The following DPYS variants were observed in gnomAD, a reference collection of about 807,000 sequenced individuals.
The protein encoded by DPYS is dihydropyrimidine amidohydrolase.
A neutral mutation model predicts 50.3 loss-of-function variants in DPYS; 39 were observed. That is an observed-to-expected ratio of 0.78 (90% CI 0.60 to 1.01). The LOEUF (loss-of-function observed/expected upper bound fraction) is 1.01. DPYS is among the 50% of genes least tolerant of loss of function. The probability of loss-of-function intolerance (pLI) is 0.00; values close to 1 mark genes in which losing one functional copy is unlikely to be tolerated. For synonymous variants in DPYS, 245 were observed against 250.7 expected (o/e 0.98, Z 0.22); for missense variants, 659 against 680.9 (o/e 0.97, Z 0.36).
chr8:104,405,332 G>A (rs1045874468), intron 7 of DPYS, among the ~76,000 whole-genome samples: 2 of 152,260 alleles, frequency 1.3e-5, no homozygotes, highest in South Asian at 2.1e-4. Context: ...GCAGGTTGAC[G>A]CTGACCCCAC....
chr8:104,417,831 A>G (rs1455288992), intron 7 of DPYS, among the ~76,000 whole-genome samples: 1 of 152,146 alleles, frequency 6.6e-6, no homozygotes, highest in East Asian at 1.9e-4. Context: ...AGGATGTCCA[A>G]ACCTTCCCTA....
intron 3 of DPYS, 80 bp downstream of exon 3, chr8:104,447,243 TA>T (rs1813563095): frequency 6.5e-7 from 1 of 1,531,678 alleles, no homozygotes; most frequent in African/African-American, 1.4e-5. Context: ...TAAATGAGTT[TA>T]CCTATGTAGG....
At chr8:104,407,119 T>TC (rs1329557046) in intron 7 of DPYS, among the ~76,000 whole-genome samples, 6 of 152,364 alleles carry the variant, frequency 3.9e-5, no homozygotes, top group African/African-American at 1.4e-4. Context: ...GAGAAGTTTT[T>TC]CATACATTAT....
intron 7 of DPYS, among the ~76,000 whole-genome samples, chr8:104,414,425 T>C (rs893761365): frequency 4.6e-5 from 7 of 152,058 alleles, no homozygotes; most frequent in African/African-American, 1.7e-4. Context: ...GGTCTGAGAG[T>C]TGGCATTTCT....
intron 7 of DPYS, among the ~76,000 whole-genome samples, chr8:104,423,494 C>T (rs1812618272): frequency 6.6e-6 from 1 of 152,162 alleles, no homozygotes; most frequent in Non-Finnish European, 1.5e-5. Context: ...ACAATAAAAA[C>T]CCTAACAGAC....
chr8:104,418,553 CACA>C (rs538123212), intron 7 of DPYS, among the ~76,000 whole-genome samples: 220 of 152,300 alleles, frequency 1.4e-3, no homozygotes, highest in Admixed American at 3.5e-3. Flanking sequence ...TGGAGACAGC[CACA>C]ACCTCTTCAC....
chr8:104,444,390 G>A lies in DPYS; in HGVS notation c.651C>T (p.His217=), dbSNP rs140389950. 8.7e-5 allele frequency: 141 copies of A among 1,614,124 alleles called. No individual in the cohort carries two copies. Among genetic ancestry groups the A allele is most frequent in the Non-Finnish European group, 1.2e-4 (140 of 1,180,046 alleles). The change falls in exon 4 of 10, where the codon CAC becomes CAT. Residue 217 remains histidine (H), a synonymous_variant. Transcript: ENST00000351513. ...LALGITGPEG[H]ELCRPEAVEA... ...CCACTGCCTCTGGGCGGCACAGCTCGTGGCCCTCAGGGCCTGTTATCCCCA... is the reference window on the plus strand; with the variant it reads ...CCACTGCCTCTGGGCGGCACAGCTCATGGCCCTCAGGGCCTGTTATCCCCA...
chr8:104,406,494 C>A (rs1811999222), intron 7 of DPYS, among the ~76,000 whole-genome samples: 1 of 152,198 alleles, frequency 6.6e-6, no homozygotes. Context: ...ACTCCTGGGC[C>A]AGGTGTGTGA....
At chr8:104,385,974 A>G (rs1174163314) in intron 8 of DPYS, among the ~76,000 whole-genome samples, 1 of 152,240 alleles carries the variant, frequency 6.6e-6, no homozygotes, top group Admixed American at 6.5e-5. Context: ...AGCACAAAAA[A>G]TAAGTAATAC....
chr8:104,422,990 G>A (rs1357935230), intron 7 of DPYS, among the ~76,000 whole-genome samples: 1 of 152,200 alleles, frequency 6.6e-6, no homozygotes, highest in East Asian at 1.9e-4. Context: ...TTGTAGAGAA[G>A]CTGCCTACAT....
chr8:104,395,377 C>T (rs939349400), intron 7 of DPYS, among the ~76,000 whole-genome samples: 3 of 152,186 alleles, frequency 2.0e-5, no homozygotes, highest in Non-Finnish European at 4.4e-5. Flanking sequence ...AATGTTTACA[C>T]ATACATAGAT....
intron 7 of DPYS, among the ~76,000 whole-genome samples, chr8:104,422,826 G>A (rs968094138): frequency 6.6e-6 from 1 of 152,140 alleles, no homozygotes; most frequent in Non-Finnish European, 1.5e-5. Flanking sequence ...GATGGCCCTG[G>A]GCAGGCCCCT....
intron 1 of DPYS, 25 bp downstream of exon 1, chr8:104,466,632 G>A: frequency 1.3e-6 from 2 of 1,504,050 alleles, no homozygotes; most frequent in Non-Finnish European, 1.8e-6. Context: ...GGTACCGCGG[G>A]GCGGGGGCGC....
intron 6 of DPYS, among the ~76,000 whole-genome samples, chr8:104,424,730 A>G: frequency 6.6e-6 from 1 of 152,098 alleles, no homozygotes; most frequent in East Asian, 1.9e-4. Flanking sequence ...ACAATACCAC[A>G]TTTATGATCT....
In DPYS at chr8:104,434,643, T is replaced by C. The variant is rs183221192; in HGVS notation, c.794-4942A>G. Among the ~76,000 whole-genome samples the C allele has an allele frequency of 5.3e-4, 80 of 152,222 alleles. 1 individual carries two copies. The highest frequency in any genetic ancestry group is 4.6e-3 in the East Asian group (24 of 5,186). ...AACAACAATCAAATATACAAACACATTAAACAACCACAATCTAGCCCAGTT... is the reference window on the plus strand; with the variant it reads ...AACAACAATCAAATATACAAACACACTAAACAACCACAATCTAGCCCAGTT... On this transcript the variant is annotated intron_variant, in intron 4 of 9. Transcript: ENST00000351513.
intron 7 of DPYS, among the ~76,000 whole-genome samples, chr8:104,400,022 A>G (rs887841840): frequency 2.6e-5 from 4 of 152,146 alleles, no homozygotes; most frequent in African/African-American, 9.7e-5. Context: ...GCATGGTGAC[A>G]AAAATAATTA....
chr8:104,415,342 C>A (rs1323897517), intron 7 of DPYS, among the ~76,000 whole-genome samples: 3 of 152,168 alleles, frequency 2.0e-5, no homozygotes, highest in Non-Finnish European at 4.4e-5. Flanking sequence ...TTACTCTGGC[C>A]AAGCCAAATG....
intron 7 of DPYS, among the ~76,000 whole-genome samples, chr8:104,404,249 A>T (rs886458471): frequency 6.6e-6 from 1 of 152,154 alleles, no homozygotes; most frequent in East Asian, 1.9e-4. Flanking sequence ...CTATGTAGTA[A>T]AAAGGGTTCC....
At position 104,408,786 on chromosome 8, in the gene DPYS, C is replaced by T. The variant is rs181518707; in HGVS notation, c.1235+15461G>A. Among the ~76,000 whole-genome samples, 297 of 151,532 alleles carry T rather than the reference C, an allele frequency of 2.0e-3. 1 individual carries two copies. The highest frequency in any genetic ancestry group is 5.3e-3 in the African/African-American group (218 of 41,386). ...TTTAAAATCAAAGGATTCTAAAATA[C>T]ATTTGGATCCTCCAAACATGTTTTT... On this transcript the variant is annotated intron_variant, in intron 7 of 9. Coordinates refer to ENST00000351513, the MANE Select transcript of DPYS (RefSeq NM_001385.3).
Sources: allele counts gnomAD v4.1 joint callset (sites outside exome capture counted in the v4.1 genomes callset), GRCh38; gene constraint gnomAD v4.1.1; transcripts MANE v1.5; gene names NCBI Gene and HGNC (gene_info 2026-07-23, HGNC 2026-07-21).